CSMD3: variants seen among roughly 807,000 people sequenced by gnomAD.
The protein encoded by CSMD3 is CUB and sushi domain-containing protein 3.
A neutral mutation model predicts 435.2 loss-of-function variants in CSMD3; 177 were observed. That is an observed-to-expected ratio of 0.41 (90% confidence interval 0.36 to 0.46). The LOEUF (loss-of-function observed/expected upper bound fraction) is 0.46. Among genes scored for constraint, CSMD3 ranks in the 20% least tolerant of loss-of-function variants. The probability of loss-of-function intolerance (pLI) is 0.34; values close to 1 mark genes in which losing one functional copy is unlikely to be tolerated. For missense variants in CSMD3, 4,265 were observed against 4,504.6 expected (o/e 0.95, Z 1.52); for synonymous variants, 1,656 against 1,520.5 (o/e 1.09, Z -2.07).
chr8:112,804,325 T>C (rs1158272296), intron 12 of CSMD3, among the ~76,000 whole-genome samples: 1 of 90,404 alleles, frequency 1.1e-5, no homozygotes, highest in African/African-American at 3.0e-5. Context: ...AAGAAGAAAA[T>C]AAATTAAAAA....
Position 112,480,245 on chromosome 8 carries a change from C to A in CSMD3, c.5279-7538G>T, listed in dbSNP as rs868415703. ...GAATGTTTACCCAATGCCTGCACTA[C>A]TATTGTATCTTGGGAGTAAATAACT... On this transcript the variant is annotated intron_variant, in intron 31 of 70. Coordinates refer to ENST00000297405, the MANE Select transcript of CSMD3 (RefSeq NM_198123.2). Among the ~76,000 whole-genome samples, 53 of 152,332 alleles carry A rather than the reference C, an allele frequency of 3.5e-4. 1 individual carries two copies. In the Middle Eastern group the frequency reaches 0.017, roughly 49 times the overall value.
At chr8:112,506,281 A>G (rs1452761888) in intron 29 of CSMD3, among the ~76,000 whole-genome samples, 4 of 152,164 alleles carry the variant, frequency 2.6e-5, no homozygotes, top group African/African-American at 9.6e-5. Context: ...TTCACATAAA[A>G]ACTAAGGAGC....
At chr8:113,383,290 T>C (rs899403034) in intron 1 of CSMD3, among the ~76,000 whole-genome samples, 5 of 152,180 alleles carry the variant, frequency 3.3e-5, no homozygotes, top group Non-Finnish European at 5.9e-5. Flanking sequence ...AGCAAGGTAG[T>C]TACCTGTGCA....
At chr8:112,347,547 T>C (rs1825785592) in intron 40 of CSMD3, among the ~76,000 whole-genome samples, 1 of 152,178 alleles carries the variant, frequency 6.6e-6, no homozygotes, top group South Asian at 2.1e-4. Context: ...ACTAAATAAA[T>C]TATGTGTCAA....
intron 4 of CSMD3, among the ~76,000 whole-genome samples, chr8:113,129,147 C>T (rs1284100192): frequency 6.6e-6 from 1 of 152,064 alleles, no homozygotes; most frequent in African/African-American, 2.4e-5. Flanking sequence ...ACACAGAGTT[C>T]AATTTTACAC....
At chr8:113,374,258 A>G (rs181929885) in intron 1 of CSMD3, among the ~76,000 whole-genome samples, 158 of 152,266 alleles carry the variant, frequency 1.0e-3, no homozygotes, top group African/African-American at 3.7e-3. Context: ...TATGAAAGAT[A>G]TTAAGAAAAA....
chr8:113,168,519 CAA>C (rs71281204), intron 4 of CSMD3, among the ~76,000 whole-genome samples: 14 of 17,014 alleles, frequency 8.2e-4, no homozygotes, highest in African/African-American at 2.1e-3. Context: ...GACTCTGTCT[CAA>C]AAAAAAAAAA....
At chr8:112,463,721 G>T (rs1817676170) in intron 32 of CSMD3, among the ~76,000 whole-genome samples, 1 of 152,166 alleles carries the variant, frequency 6.6e-6, no homozygotes, top group Non-Finnish European at 1.5e-5. Flanking sequence ...AGCAAAAACT[G>T]TGACTAATGT....
intron 17 of CSMD3, among the ~76,000 whole-genome samples, chr8:112,665,613 G>T (rs981081586): frequency 3.9e-5 from 6 of 152,084 alleles, no homozygotes; most frequent in African/African-American, 1.4e-4. Context: ...GAAGAAAGGG[G>T]TTGGGAGATG....
At chr8:113,103,945 C>T (rs2090402279) in intron 4 of CSMD3, among the ~76,000 whole-genome samples, 1 of 151,826 alleles carries the variant, frequency 6.6e-6, no homozygotes, top group Non-Finnish European at 1.5e-5. Flanking sequence ...AAATGTATGA[C>T]CTTGTTTTGG....
At chr8:113,067,717 C>T (rs947986639) in intron 5 of CSMD3, among the ~76,000 whole-genome samples, 1 of 151,948 alleles carries the variant, frequency 6.6e-6, no homozygotes, top group African/African-American at 2.4e-5. Flanking sequence ...TTTGTTTTTT[C>T]CAATATATTA....
At chr8:112,801,278 C>G (rs981261042) in intron 12 of CSMD3, among the ~76,000 whole-genome samples, 1 of 151,978 alleles carries the variant, frequency 6.6e-6, no homozygotes, top group African/African-American at 2.4e-5. Flanking sequence ...ACTATGAATA[C>G]ACCAGCAGAG....
intron 1 of CSMD3, among the ~76,000 whole-genome samples, chr8:113,402,019 A>T (rs950312377): frequency 2.6e-5 from 4 of 151,484 alleles, no homozygotes; most frequent in Non-Finnish European, 5.9e-5. Context: ...CCCATCTTTA[A>T]ATGGTGCATG....
intron 1 of CSMD3, among the ~76,000 whole-genome samples, chr8:113,417,345 A>G (rs1015645210): frequency 8.5e-5 from 13 of 152,076 alleles, no homozygotes; most frequent in Non-Finnish European, 5.9e-5. Flanking sequence ...ATTTAAATAT[A>G]TGCTCCAACT....
chr8:113,359,732 T>G (rs2094258906), intron 1 of CSMD3, among the ~76,000 whole-genome samples: 1 of 152,258 alleles, frequency 6.6e-6, no homozygotes, highest in Non-Finnish European at 1.5e-5. Context: ...ATTAAAAGTT[T>G]ATACTCTTGA....
At chr8:112,677,420 C>CAA (rs34579993) in intron 16 of CSMD3, among the ~76,000 whole-genome samples, 54 of 141,430 alleles carry the variant, frequency 3.8e-4, no homozygotes, top group East Asian at 6.1e-4. Context: ...CATCCTAACT[C>CAA]AAAAAAAAAA....
At chr8:113,252,862 A>G (rs1357770723) in intron 3 of CSMD3, among the ~76,000 whole-genome samples, 2 of 152,122 alleles carry the variant, frequency 1.3e-5, no homozygotes, top group Admixed American at 1.3e-4. Context: ...TCACATCAAG[A>G]TATTATGGAA....
chr8:113,392,811 A>G (rs1271576386), intron 1 of CSMD3, among the ~76,000 whole-genome samples: 3 of 151,952 alleles, frequency 2.0e-5, no homozygotes, highest in Non-Finnish European at 4.4e-5. Flanking sequence ...TTCAATGGTC[A>G]TCACTAAGAA....
At chr8:112,345,990 A>G (rs1462875967) in intron 41 of CSMD3, 107 bp downstream of exon 41, 4 of 785,526 alleles carry the variant, frequency 5.1e-6, no homozygotes, top group Admixed American at 1.8e-5. Context: ...CCTAAACTAA[A>G]CTGCAATTTG....
Sources: gnomAD v4.1 joint callset for allele counts (sites outside exome capture counted in the v4.1 genomes callset) on GRCh38, gnomAD v4.1.1 for gene constraint, MANE v1.5 for transcripts, NCBI Gene and HGNC (gene_info 2026-07-23, HGNC 2026-07-21) for gene names.